The following LRP1 variants were observed in gnomAD, a reference collection of about 807,000 sequenced individuals.
LRP1 encodes prolow-density lipoprotein receptor-related protein 1.
In LRP1, 51 loss-of-function variants were observed where a neutral mutation model predicts 541.5. That is an observed-to-expected ratio of 0.09 (90% confidence interval 0.08 to 0.12). LRP1 has a LOEUF of 0.12. LRP1 is among the 10% of genes least tolerant of loss of function. The pLI is 1.00. For synonymous variants in LRP1, 2,219 were observed against 2,470.8 expected (o/e 0.90, Z 3.02); for missense variants, 3,878 against 6,376.2 (o/e 0.61, Z 13.34).
chr12:57,131,057 C>A (rs932048591), intron 1 of LRP1, among the ~76,000 whole-genome samples: 3 of 152,172 alleles, frequency 2.0e-5, no homozygotes, highest in Non-Finnish European at 4.4e-5. Context: ...TAGGGGATCC[C>A]TTATCCCTAA....
chr12:57,163,889 G>A (rs994840326), intron 15 of LRP1, among the ~76,000 whole-genome samples: 2 of 152,104 alleles, frequency 1.3e-5, no homozygotes, highest in African/African-American at 4.8e-5. Context: ...GAGTAAGTAA[G>A]GCCGGGCACA....
intron 1 of LRP1, among the ~76,000 whole-genome samples, chr12:57,129,844 G>C (rs2035000996): frequency 6.6e-6 from 1 of 152,166 alleles, no homozygotes; most frequent in African/African-American, 2.4e-5. Flanking sequence ...CTGACTTCTG[G>C]CTTCATCACA....
Position 57,206,334 on chromosome 12 carries a change from A to G in LRP1, c.11591-139A>G, listed in dbSNP as rs2036778213. On this transcript the variant is annotated intron_variant, in intron 75 of 88. Transcript: ENST00000243077. This position sits in a 1 kb window ranked among gnomAD's most constrained non-coding sequence, Gnocchi z 4.7. ...GAGGTTGGAGCCTGCAACCCTGAGC[A>G]GGGAGGGTAAGCAGCAGCTTCTGGC... is the stretch of plus-strand genomic sequence containing the variant. 2 of 858,544 alleles carry G rather than the reference A, an allele frequency of 2.3e-6. No homozygotes were observed. The highest frequency in any genetic ancestry group is 3.6e-6 in the Non-Finnish European group (2 of 549,472). 53.2% of individuals were successfully genotyped at this position (858,544 alleles called of 1,614,324 possible).
At chr12:57,195,224 G>T (rs371711699) in intron 51 of LRP1, 47 bp from the exon 52 acceptor site, 1 of 1,606,172 alleles carries the variant, frequency 6.2e-7, no homozygotes, top group East Asian at 2.2e-5. Flanking sequence ...TGCTAGACCT[G>T]ATCTACCCGC....
Position 57,198,622 on chromosome 12 carries a change from G to C in LRP1, c.9628G>C (p.Glu3210Gln), listed in dbSNP as rs769969579. 43 of 1,613,152 alleles carry C rather than the reference G, an allele frequency of 2.7e-5. No individual in the cohort carries two copies. Among genetic ancestry groups the C allele is most frequent in the Non-Finnish European group, 3.6e-5 (43 of 1,179,784 alleles). Residue 3210 changes from glutamate (E) to glutamine (Q), a missense_variant, in exon 60 of 89, where the codon GAG becomes CAG. Transcript: ENST00000243077. The stretch of plus-strand genomic sequence containing the variant: ...GCGCATCTACTGGGCCGACGCCCGC[G>C]AGGACTACATTGAATTTGCCAGCCT... ...TERIYWADAR[E>Q]DYIEFASLDG...
Position 57,201,710 on chromosome 12 carries a change from C to T in LRP1, c.10469-70C>T, listed in dbSNP as rs915472769. The T allele has an allele frequency of 3.8e-6, 6 of 1,596,910 alleles. No individual in the cohort carries two copies. The highest frequency in any genetic ancestry group is 2.7e-5 in the African/African-American group (2 of 74,708). ...GTGACCCCCTCAGTGGCTGCTCCCTCACTCTCCCCACCCTCCCGGCACACT... is the reference window on the plus strand; with the variant it reads ...GTGACCCCCTCAGTGGCTGCTCCCTTACTCTCCCCACCCTCCCGGCACACT... On this transcript the variant is annotated intron_variant, in intron 66 of 88. Coordinates refer to ENST00000243077, the MANE Select transcript of LRP1 (RefSeq NM_002332.3). This position sits in a 1 kb window ranked among gnomAD's most constrained non-coding sequence, Gnocchi z 6.4.
Position 57,128,978 on chromosome 12 carries a change from C to A in LRP1, c.14C>A (p.Pro5Gln). ...TCAGCCCACACCATGCTGACCCCGC[C>A]GTTGCTCCTGCTGCTGCCCCTGCTC... MLTPPLLLLLPLLSA... is the reference protein window; with the variant it reads MLTPQLLLLLPLLSA... The change falls in exon 1 of 89, where the codon CCG (proline) becomes CAG (glutamine). Residue 5 changes from proline (P) to glutamine (Q), a missense_variant. Physicochemically the swap from Pro to Gln is moderately conservative, Grantham distance 76. Around this residue, in one of 13 missense-constraint regions of LRP1, gnomAD observed 293 missense variants for 403.7 expected, o/e 0.73. Transcript: ENST00000243077. 1 of 1,551,174 alleles carries A rather than the reference C, an allele frequency of 6.4e-7. No individual in the cohort carries two copies. The highest frequency in any genetic ancestry group is 8.7e-7 in the Non-Finnish European group (1 of 1,146,660).
Position 57,185,544 on chromosome 12 carries a change from C to T in LRP1, c.6477C>T (p.Cys2159=), listed in dbSNP as rs775487639. 2.7e-5 allele frequency: 43 copies of T among 1,593,536 alleles called. No individual in the cohort carries two copies. Among genetic ancestry groups the T allele is most frequent in the Admixed American group, 3.4e-5 (2 of 59,376 alleles). The change falls in exon 41 of 89, where the codon TGC becomes TGT. Residue 2159 remains cysteine, a synonymous_variant. Transcript: ENST00000243077. This position sits in a 1 kb window ranked among gnomAD's most constrained non-coding sequence, Gnocchi z 4.9. ...CCCCTCCCCCAGGCACCAACGTGTGCGCGGTGGCCAATGGCGGGTGCCAGC... is the reference window on the plus strand; with the variant it reads ...CCCCTCCCCCAGGCACCAACGTGTGTGCGGTGGCCAATGGCGGGTGCCAGC... ...NRDRQKGTNV[C]AVANGGCQQL...
chr12:57,173,434 G>C lies in LRP1; in HGVS notation c.3346+84G>C, dbSNP rs2035983285. Reference sequence around the variant, plus strand: ...GTTGAGAGCAGAGTAGCGGCAAAGGGGATGGCACTGTGCTGTGTGGAGTGG... The same window carrying C: ...GTTGAGAGCAGAGTAGCGGCAAAGGCGATGGCACTGTGCTGTGTGGAGTGG... On this transcript the variant is annotated intron_variant, in intron 21 of 88. Transcript: ENST00000243077. This position sits in a 1 kb window ranked among gnomAD's most constrained non-coding sequence, Gnocchi z 4.7. 4.2e-6 allele frequency: 6 copies of C among 1,418,332 alleles called. 1 individual carries two copies. In the Admixed American group the frequency reaches 1.1e-4, roughly 26 times the overall value. 87.9% of individuals were successfully genotyped at this position (1,418,332 alleles called of 1,614,324 possible). A position where few individuals can be genotyped will look rare whatever the true frequency, so the allele number is the denominator to read the frequency against.
chr12:57,198,113 C>A, intron 58 of LRP1, 43 bp from the exon 59 acceptor site: 1 of 1,554,746 alleles, frequency 6.4e-7, no homozygotes, highest in Non-Finnish European at 8.8e-7. Flanking sequence ...CAGGTCCTCC[C>A]CCAGGTCACC....
In LRP1 at chr12:57,197,526, C is replaced by T. The variant is rs377477684; in HGVS notation, c.9163-19C>T. ...GTTGCCACAACCGACTTCTGCTGTC[C>T]TTCACTCCCCAAATCCAGGGCCTGA... is the stretch of plus-strand genomic sequence containing the variant. On this transcript the variant is annotated intron_variant, in intron 57 of 88. Transcript: ENST00000243077. The surrounding 1 kb of genome is among the most constrained non-coding windows in gnomAD (Gnocchi z 4.5). The T allele has an allele frequency of 1.2e-6, 2 of 1,613,948 alleles. No individual in the cohort carries two copies. Among genetic ancestry groups the T allele is most frequent in the Non-Finnish European group, 1.7e-6 (2 of 1,180,022 alleles).
At chr12:57,145,197 T>A in intron 5 of LRP1, 30 bp from the exon 6 acceptor site, 1 of 1,613,842 alleles carries the variant, frequency 6.2e-7, no homozygotes, top group South Asian at 1.1e-5. Flanking sequence ...GAGCCCTGGC[T>A]GCACGGACTC....
Position 57,202,543 on chromosome 12 carries a change from T to TGGGGGGCCC in LRP1, c.10711+6_10711+7insGGGGGGCCC. ...CTCCGATGAAGAGAGCTGCAGTACG[T>TGGGGGGCCC]CCCCACCCACCCAGCCCCGCATGAG... On this transcript the variant is annotated splice_region_variant and intron_variant, in intron 68 of 88. Coordinates refer to ENST00000243077, the MANE Select transcript of LRP1 (RefSeq NM_002332.3). The TGGGGGGCCC allele has an allele frequency of 2.0e-6, 3 of 1,523,614 alleles. No individual in the cohort carries two copies. Among genetic ancestry groups the TGGGGGGCCC allele is most frequent in the Non-Finnish European group, 1.8e-6 (2 of 1,124,796 alleles). The allele number at this position is 1,523,614 out of a possible 1,614,324, so 94.4% of individuals were successfully genotyped here.
chr12:57,208,615 C>T (rs2036839123), intron 77 of LRP1, 96 bp from the exon 78 acceptor site: 2 of 719,590 alleles, frequency 2.8e-6, no homozygotes, highest in Non-Finnish European at 2.4e-6. Context: ...CAGTCCCCAG[C>T]AGTCCCTGTC....
Position 57,179,919 on chromosome 12 carries a change from G to A in LRP1, c.5104G>A (p.Glu1702Lys). The A allele has an allele frequency of 6.2e-7, 1 of 1,614,162 alleles. No individual in the cohort carries two copies. The highest frequency in any genetic ancestry group is 1.3e-5 in the African/African-American group (1 of 75,060). The change falls in exon 30 of 89, where the codon GAG becomes AAG. Residue 1702 changes from glutamate (E) to lysine (K), a missense_variant. Transcript: ENST00000243077. This position sits in a 1 kb window ranked among gnomAD's most constrained non-coding sequence, Gnocchi z 6.8. ...SFKNAVVQGLEQPHGLVVHPL... is the reference protein window; with the variant it reads ...SFKNAVVQGLKQPHGLVVHPL... ...CAAGAACGCAGTGGTGCAGGGCCTG[G>A]AGCAGCCCCATGGCCTTGTCGTCCA...
At chr12:57,164,163 T>A (rs1437864012) in intron 15 of LRP1, among the ~76,000 whole-genome samples, 1 of 152,106 alleles carries the variant, frequency 6.6e-6, no homozygotes, top group Non-Finnish European at 1.5e-5. Flanking sequence ...GAGCAAGACA[T>A]CATCTCAAAA....
intron 44 of LRP1, 129 bp downstream of exon 44, chr12:57,191,641 ATAC>A (rs2036382390): frequency 1.3e-6 from 1 of 741,514 alleles, no homozygotes; most frequent in Non-Finnish European, 2.1e-6. Flanking sequence ...CATCCCACAC[ATAC>A]TACACTACAC....
intron 6 of LRP1, chr12:57,149,014 G>C (rs2035473550): frequency 1.5e-6 from 1 of 677,224 alleles, no homozygotes; most frequent in Non-Finnish European, 2.7e-6. Flanking sequence ...CAGGAAATGG[G>C]GTAGTGATTT....
intron 82 of LRP1, 68 bp from the exon 83 acceptor site, chr12:57,210,650 C>A: frequency 1.3e-6 from 2 of 1,544,144 alleles, no homozygotes; most frequent in Non-Finnish European, 1.8e-6. Context: ...CCCCCCAGCC[C>A]ATTCCTCTGC....
Sources: allele counts gnomAD v4.1 joint callset (sites outside exome capture counted in the v4.1 genomes callset), GRCh38; gene constraint gnomAD v4.1.1; regional missense constraint gnomAD v4.1.1; non-coding constraint Gnocchi (gnomAD v3.1); transcripts MANE v1.5; gene names NCBI Gene and HGNC (gene_info 2026-07-23, HGNC 2026-07-21).